ENOX1: variants seen among roughly 807,000 people sequenced by gnomAD.
The protein encoded by ENOX1 is candidate growth-related and time keeping constitutive hydroquinone (NADH) oxidase.
A neutral mutation model predicts 82.5 loss-of-function variants in ENOX1; 42 were observed. The observed-to-expected ratio is 0.51, with a 90% CI of 0.40 to 0.66. The LOEUF (loss-of-function observed/expected upper bound fraction) is 0.66. Ranked by LOEUF, ENOX1 falls within the 30% of genes least tolerant of loss-of-function variation. ENOX1 has a pLI of 0.00. For missense variants in ENOX1, 608 were observed against 811.6 expected, an observed-to-expected ratio of 0.75 and a Z score of 3.05; for synonymous variants, 271 against 282.2, an observed-to-expected ratio of 0.96 and a Z score of 0.40.
At chr13:43,228,887 C>A (rs1318787746) in intron 15 of ENOX1, among the ~76,000 whole-genome samples, 1 of 152,202 alleles carries the variant, frequency 6.6e-6, no homozygotes, top group African/African-American at 2.4e-5. Context: ...GGGAAGAGGA[C>A]AGAAGAGACA....
At chr13:43,356,661 A>G (rs879281474) in intron 7 of ENOX1, among the ~76,000 whole-genome samples, 1 of 152,196 alleles carries the variant, frequency 6.6e-6, no homozygotes, top group Non-Finnish European at 1.5e-5. Context: ...CCTCACTCAC[A>G]GGTTATTGCT....
intron 16 of ENOX1, 62 bp from the exon 17 acceptor site, chr13:43,214,183 T>A: frequency 6.4e-7 from 1 of 1,555,602 alleles, no homozygotes; most frequent in Non-Finnish European, 8.8e-7. Flanking sequence ...AGGAATGGAT[T>A]GGGGAAGGAT....
intron 1 of ENOX1, among the ~76,000 whole-genome samples, chr13:43,751,240 T>C (rs549463069): frequency 6.6e-6 from 1 of 152,348 alleles, no homozygotes; most frequent in Non-Finnish European, 1.5e-5. Flanking sequence ...TCAGCCACCC[T>C]TGTAAAGCCT....
intron 5 of ENOX1, among the ~76,000 whole-genome samples, chr13:43,395,014 C>T (rs2053051427): frequency 6.6e-6 from 1 of 152,254 alleles, no homozygotes; most frequent in African/African-American, 2.4e-5. Context: ...CAAGAAGGCC[C>T]TCTGATGGAC....
chr13:43,740,845 T>A (rs574602312), intron 1 of ENOX1, among the ~76,000 whole-genome samples: 23 of 152,376 alleles, frequency 1.5e-4, no homozygotes, highest in Non-Finnish European at 2.9e-4. Context: ...CGATGAATAA[T>A]ATTCCATTGT....
intron 2 of ENOX1, among the ~76,000 whole-genome samples, chr13:43,485,953 G>C (rs1387326354): frequency 6.6e-6 from 1 of 152,020 alleles, no homozygotes; most frequent in Non-Finnish European, 1.5e-5. Context: ...GCTCATGCCT[G>C]TAATCCCAGC....
At chr13:43,586,793 G>A (rs192030328) in intron 2 of ENOX1, among the ~76,000 whole-genome samples, 237 of 152,152 alleles carry the variant, frequency 1.6e-3, no homozygotes, top group Non-Finnish European at 2.4e-3. Context: ...TAAAAGAGGC[G>A]GTGGCTCACG....
chr13:43,550,967 T>G (rs2079170498), intron 2 of ENOX1, among the ~76,000 whole-genome samples: 1 of 152,166 alleles, frequency 6.6e-6, no homozygotes, highest in Non-Finnish European at 1.5e-5. Context: ...TAACCCATAT[T>G]TAGAGAGCAA....
chr13:43,280,208 T>C (rs2045299061), intron 12 of ENOX1, among the ~76,000 whole-genome samples: 1 of 152,252 alleles, frequency 6.6e-6, no homozygotes, highest in African/African-American at 2.4e-5. Flanking sequence ...GGTCTTGCAC[T>C]ATGCCCTGAA....
At chr13:43,722,867 A>G (rs148731636) in intron 1 of ENOX1, among the ~76,000 whole-genome samples, 1 of 152,186 alleles carries the variant, frequency 6.6e-6, no homozygotes, top group Non-Finnish European at 1.5e-5. Context: ...TTTGTTAAAG[A>G]CTCCCAAAAT....
intron 2 of ENOX1, among the ~76,000 whole-genome samples, chr13:43,605,614 TG>T (rs1259695563): frequency 6.6e-6 from 1 of 152,188 alleles, no homozygotes; most frequent in Non-Finnish European, 1.5e-5. Flanking sequence ...TACAGAAGAA[TG>T]AAACTAGACC....
chr13:43,661,092 T>C (rs559417902), intron 2 of ENOX1, among the ~76,000 whole-genome samples: 14 of 152,320 alleles, frequency 9.2e-5, no homozygotes, highest in African/African-American at 3.1e-4. Context: ...TTTACAGAGA[T>C]AGAAAATACC....
In ENOX1 at chr13:43,478,070, T is replaced by G. The variant is rs566146655; in HGVS notation, c.-75+5939A>C. 2.6e-4 allele frequency among the ~76,000 whole-genome samples: 38 copies of G among 148,630 alleles called. 1 individual carries two copies. Among genetic ancestry groups the G allele is most frequent in the South Asian group, 1.9e-3 (9 of 4,642 alleles). On this transcript the variant is annotated intron_variant, in intron 3 of 16. Transcript: ENST00000690772. The stretch of plus-strand genomic sequence containing the variant: ...GCCAGAGAGGTTTTTTTTTTTTTTT[T>G]TTTTTTTTTTCATTTTTTAAATCAC...
intron 2 of ENOX1, among the ~76,000 whole-genome samples, chr13:43,535,556 G>A (rs1472006355): frequency 6.6e-6 from 1 of 152,152 alleles, no homozygotes; most frequent in Non-Finnish European, 1.5e-5. Flanking sequence ...TAGCAAGCTA[G>A]TGAATGACTT....
chr13:43,415,460 T>A (rs1299296666), intron 3 of ENOX1, among the ~76,000 whole-genome samples: 1 of 151,988 alleles, frequency 6.6e-6, no homozygotes, highest in African/African-American at 2.4e-5. Flanking sequence ...TTAACGAACA[T>A]GCTGCCTTCA....
intron 3 of ENOX1, among the ~76,000 whole-genome samples, chr13:43,450,123 C>T (rs1044394797): frequency 2.6e-5 from 4 of 152,084 alleles, no homozygotes; most frequent in East Asian, 3.9e-4. Context: ...AGATTTACAA[C>T]GTTCTATGTG....
chr13:43,366,872 G>C (rs1359653005), intron 5 of ENOX1, among the ~76,000 whole-genome samples: 1 of 152,168 alleles, frequency 6.6e-6, no homozygotes, highest in East Asian at 1.9e-4. Flanking sequence ...AAACCAAAGT[G>C]TTCAGCATAA....
chr13:43,451,892 A>C (rs1172855067), intron 3 of ENOX1, among the ~76,000 whole-genome samples: 1 of 152,236 alleles, frequency 6.6e-6, no homozygotes, highest in East Asian at 1.9e-4. Flanking sequence ...GATCACAAAT[A>C]AACAAATAAG....
intron 2 of ENOX1, among the ~76,000 whole-genome samples, chr13:43,527,920 T>C (rs192773427): frequency 2.6e-5 from 4 of 152,264 alleles, no homozygotes; most frequent in African/African-American, 7.2e-5. Context: ...TGAGATGATA[T>C]ACTGTTTGGA....
Sources: gnomAD v4.1 joint callset for allele counts (sites outside exome capture counted in the v4.1 genomes callset) on GRCh38, gnomAD v4.1.1 for gene constraint, MANE v1.5 for transcripts, NCBI Gene and HGNC (gene_info 2026-07-23, HGNC 2026-07-21) for gene names.